The following PDLIM2 variants were observed in gnomAD, a reference collection of about 807,000 sequenced individuals.
PDLIM2 encodes PDZ and LIM domain 2.
Under a neutral mutation model 54.1 loss-of-function variants are expected in PDLIM2, and 51 were observed. The observed-to-expected ratio is 0.94, with a 90% CI of 0.75 to 1.19. The LOEUF is 1.19. Ranked by LOEUF, PDLIM2 falls within the 50% of genes most tolerant of loss-of-function variation. PDLIM2 has a pLI of 0.00. For synonymous variants in PDLIM2, 398 were observed against 385.6 expected, an observed-to-expected ratio of 1.03 and a Z score of -0.38; for missense variants, 912 against 874.0, an observed-to-expected ratio of 1.04 and a Z score of -0.55.
chr8:22,593,521 G>C (rs1800610196), intron 9 of PDLIM2: 1 of 542,522 alleles, frequency 1.8e-6, no homozygotes, highest in African/African-American at 2.0e-5. Flanking sequence ...AGATTGCTGT[G>C]AGCTGAGATC....
At chr8:22,590,044 G>T (rs1173574977) in intron 8 of PDLIM2, 3 of 392,364 alleles carry the variant, frequency 7.6e-6, no homozygotes, top group Non-Finnish European at 1.4e-5. Context: ...TCCAGGGAGG[G>T]CTTCTTGGAG....
At chr8:22,581,660 C>A in intron 3 of PDLIM2, 130 bp downstream of exon 2, 2 of 1,251,380 alleles carry the variant, frequency 1.6e-6, no homozygotes, top group Non-Finnish European at 2.1e-6. Context: ...CCTCTCCACA[C>A]CTTGGTGAGA....
intron 6 of PDLIM2, chr8:22,588,299 G>A (rs975097033): frequency 6.6e-6 from 1 of 152,296 alleles, no homozygotes; most frequent in South Asian, 2.1e-4. Context: ...GTTTTCTTAA[G>A]ATCCAGAAGT....
intron 6 of PDLIM2, among the ~76,000 whole-genome samples, chr8:22,586,407 C>T (rs941480892): frequency 4.6e-5 from 7 of 152,130 alleles, no homozygotes; most frequent in Non-Finnish European, 1.0e-4. Context: ...CAATTAGGCA[C>T]TAAGCAGTGT....
At chr8:22,597,302 C>T (rs1800701357), downstream of PDLIM2, 1 of 152,308 alleles carries the variant, frequency 6.6e-6, no homozygotes, top group Non-Finnish European at 1.5e-5. Context: ...TGGCCTGGCT[C>T]TAGGCTTGGG....
At chr8:22,588,068 C>A (rs570005632) in intron 6 of PDLIM2, 41 of 152,400 alleles carry the variant, frequency 2.7e-4, no homozygotes, top group African/African-American at 9.4e-4. Context: ...GAAACTATCT[C>A]TAGGTCCTTC....
chr8:22,582,943 C>T (rs1431885793), intron 3 of PDLIM2, among the ~76,000 whole-genome samples: 1 of 139,088 alleles, frequency 7.2e-6, no homozygotes, highest in African/African-American at 2.6e-5. Flanking sequence ...CGCCTCCTAC[C>T]CTCCCAGGTG....
chr8:22,584,409 A>G (rs921460792), intron 3 of PDLIM2, among the ~76,000 whole-genome samples: 4 of 151,940 alleles, frequency 2.6e-5, no homozygotes, highest in African/African-American at 7.3e-5. Context: ...CCTGGGCTCA[A>G]GCGATCCTCC....
At chr8:22,594,565 A>G, downstream of PDLIM2, 1 of 1,614,064 alleles carries the variant, frequency 6.2e-7, no homozygotes, top group African/African-American at 1.3e-5. Flanking sequence ...TGAGATTGTC[A>G]CTGGAAGCTT....
exon 10 of PDLIM2, chr8:22,593,956 C>A (rs1800626604): frequency 1.3e-6 from 2 of 1,525,902 alleles, no homozygotes; most frequent in Non-Finnish European, 1.8e-6. Flanking sequence ...CAGGGTCATG[C>A]CTATATAAGT....
downstream of PDLIM2, chr8:22,594,368 G>A: frequency 6.7e-7 from 1 of 1,496,356 alleles, no homozygotes; most frequent in Non-Finnish European, 8.9e-7. Context: ...CTGGGTGGAG[G>A]GTCTTTATTT....
At chr8:22,589,013 C>T (rs1800454422) in intron 6 of PDLIM2, 1 of 558,422 alleles carries the variant, frequency 1.8e-6, no homozygotes, top group Non-Finnish European at 3.2e-6. Flanking sequence ...CACCTGCTGC[C>T]TTCCTGCTGC....
rs896933880 is a variant in PDLIM2 at position 22,591,627 on chromosome 8, T to A, written c.1590T>A (p.Pro530=). The change falls in exon 9 of 10, where the codon CCT becomes CCA. Residue 530 remains proline, a synonymous_variant. Coordinates refer to ENST00000308354, the Ensembl canonical transcript of PDLIM2. The stretch of plus-strand genomic sequence containing the variant: ...CCGCCTCCAGGGCCCTGGCCACCCC[T>A]CCCAAGCTCCACACTTGTGAGAAGT... 5.6e-6 allele frequency: 9 copies of A among 1,612,822 alleles called. No homozygotes were observed. The African/African-American group carries it at 1.2e-4, about 22-fold the overall frequency.
At chr8:22,579,051 G>C in exon 1 of PDLIM2, 6 of 1,240,278 alleles carry the variant, frequency 4.8e-6, no homozygotes, top group Non-Finnish European at 6.0e-6. Flanking sequence ...GCGGCTTCTC[G>C]GGCTAGGGGC....
In PDLIM2 at chr8:22,581,539, TC is replaced by T; in HGVS notation, c.995+12del. 6.4e-7 allele frequency: 1 copy of T among 1,564,444 alleles called. No individual in the cohort carries two copies. Among genetic ancestry groups the T allele is most frequent in the Non-Finnish European group, 8.6e-7 (1 of 1,161,766 alleles). On this transcript the variant is annotated intron_variant, in intron 3 of 9. Coordinates refer to ENST00000308354, the Ensembl canonical transcript of PDLIM2. ...CGGCTGCAGCTGGACCGGTAGGGCCTCCCGCTCTGCAGAGCCTGTGGCATTC... is the reference window on the plus strand; with the variant it reads ...CGGCTGCAGCTGGACCGGTAGGGCCTCCGCTCTGCAGAGCCTGTGGCATTC...
exon 10 of PDLIM2, chr8:22,594,198 C>T: frequency 7.1e-7 from 1 of 1,402,542 alleles, no homozygotes. Flanking sequence ...GGGTCGAACA[C>T]AGAAGTGGGA....
exon 10 of PDLIM2, chr8:22,593,983 A>G: frequency 4.7e-6 from 7 of 1,498,074 alleles, no homozygotes; most frequent in African/African-American, 2.8e-5. Context: ...GGCAGGGACA[A>G]TGGTGGGCAG....
chr8:22,580,947 T>C, intron 2 of PDLIM2: 1 of 676,894 alleles, frequency 1.5e-6, no homozygotes, highest in Middle Eastern at 2.4e-4. Flanking sequence ...CCAGTTGCTA[T>C]CCCCACACTT....
intron 8 of PDLIM2, chr8:22,590,912 A>G: frequency 6.4e-6 from 1 of 155,124 alleles, no homozygotes; most frequent in Non-Finnish European, 1.4e-5. Context: ...TGGACAGGGC[A>G]CACCTGGAGA....
Sources: allele counts gnomAD v4.1 joint callset (sites outside exome capture counted in the v4.1 genomes callset), GRCh38; gene constraint gnomAD v4.1.1; transcripts MANE v1.5; gene names NCBI Gene and HGNC (gene_info 2026-07-23, HGNC 2026-07-21).